ASPH: variants seen among roughly 807,000 people sequenced by gnomAD.
The protein encoded by ASPH is aspartate beta-hydroxylase, also known as aspartyl/asparaginyl beta-hydroxylase.
Under a neutral mutation model 118.4 loss-of-function variants are expected in ASPH, and 100 were observed. The ratio of observed to expected loss-of-function variants is 0.84; its 90% CI spans 0.72 to 1.00. The LOEUF (loss-of-function observed/expected upper bound fraction) is 1.00. Ranked by LOEUF, ASPH falls within the 50% of genes least tolerant of loss-of-function variation. The pLI is 0.00. For missense variants in ASPH, 920 were observed against 919.5 expected, an observed-to-expected ratio of 1.00 and a Z score of -0.01; for synonymous variants, 315 against 325.6, an observed-to-expected ratio of 0.97 and a Z score of 0.35.
chr8:61,668,197 T>C, intron 3 of ASPH: 3 of 1,558,740 alleles, frequency 1.9e-6, no homozygotes, highest in Non-Finnish European at 2.6e-6. Context: ...ACATTAAACT[T>C]GATTCACTCA....
intron 16 of ASPH, among the ~76,000 whole-genome samples, chr8:61,572,053 G>A (rs201699880): frequency 1.2e-4 from 18 of 152,110 alleles, no homozygotes; most frequent in Non-Finnish European, 2.1e-4. Context: ...AATTAAAATC[G>A]AATTAATAAA....
At position 61,649,401 on chromosome 8, in the gene ASPH, TTAAGTCTGAAACACCCA is replaced by T. The variant is rs558445482; in HGVS notation, c.490+1632_490+1648del. Reference sequence around the variant, plus strand: ...GGGTGTGGGAAGAATCATGAGTTCTTTAAGTCTGAAACACCCATAAGACATCCAAATGGAGATGCCAA... The same window carrying T: ...GGGTGTGGGAAGAATCATGAGTTCTTTAAGACATCCAAATGGAGATGCCAA... On this transcript the variant is annotated intron_variant, in intron 5 of 24. Transcript: ENST00000379454. Among the ~76,000 whole-genome samples, 88 of 152,162 alleles carry T rather than the reference TTAAGTCTGAAACACCCA, an allele frequency of 5.8e-4. 1 individual carries two copies. Among genetic ancestry groups the T allele is most frequent in the South Asian group, 2.5e-3 (12 of 4,808 alleles).
At chr8:61,646,077 T>C (rs1807797680) in intron 6 of ASPH, among the ~76,000 whole-genome samples, 1 of 152,090 alleles carries the variant, frequency 6.6e-6, no homozygotes, top group African/African-American at 2.4e-5. Context: ...TCCAGCTACT[T>C]GAGAGGCTGA....
chr8:61,695,974 C>G lies in ASPH; in HGVS notation c.104-11786G>C, dbSNP rs374091985. On this transcript the variant is annotated intron_variant, in intron 1 of 24. Transcript: ENST00000379454. ...TTAATTCACTAGAGGAAAAGACCTACAAATAGCTAAGAGAGAGAAATTCAG... is the reference window on the plus strand; with the variant it reads ...TTAATTCACTAGAGGAAAAGACCTAGAAATAGCTAAGAGAGAGAAATTCAG... 7.2e-5 allele frequency among the ~76,000 whole-genome samples: 11 copies of G among 152,312 alleles called. No individual in the cohort carries two copies. The East Asian group carries it at 1.7e-3, about 24-fold the overall frequency.
chr8:61,620,861 G>A (rs1472623323), intron 13 of ASPH, among the ~76,000 whole-genome samples: 2 of 152,208 alleles, frequency 1.3e-5, no homozygotes, highest in African/African-American at 4.8e-5. Context: ...TCATGAAGGG[G>A]AGTTTAGGGC....
intron 16 of ASPH, among the ~76,000 whole-genome samples, chr8:61,574,380 T>C (rs935592656): frequency 3.3e-5 from 5 of 152,192 alleles, no homozygotes; most frequent in Non-Finnish European, 7.3e-5. Flanking sequence ...ATCATTCTAC[T>C]ATAAAGACAC....
At position 61,646,794 on chromosome 8, in the gene ASPH, A is replaced by G. The variant is rs1417292982; in HGVS notation, c.575T>C (p.Val192Ala). 2.0e-5 allele frequency: 33 copies of G among 1,613,838 alleles called. No individual in the cohort carries two copies. The highest frequency in any genetic ancestry group is 2.8e-5 in the Non-Finnish European group (33 of 1,179,908). The change falls in exon 6 of 25, where the codon GTA becomes GCA. Residue 192 changes from valine (V) to alanine (A), a missense_variant. Transcript: ENST00000379454. ...EDDEFLMATDVDDRFETLEPE... is the reference protein window; with the variant it reads ...EDDEFLMATDADDRFETLEPE... The stretch of plus-strand genomic sequence containing the variant: ...TTCCAGGGTCTCAAATCTATCATCT[A>G]CATCAGTCGCCATAAGAAACTCATC...
intron 18 of ASPH, 52 bp downstream of exon 18, chr8:61,562,692 C>T: frequency 6.9e-7 from 1 of 1,452,066 alleles, no homozygotes; most frequent in Non-Finnish European, 9.1e-7. Flanking sequence ...ATGTAATTTG[C>T]AAATAGCCTT....
At chr8:61,663,241 T>C in intron 3 of ASPH, 1 of 985,392 alleles carries the variant, frequency 1.0e-6, no homozygotes, top group Non-Finnish European at 1.2e-6. Flanking sequence ...TGATGAAGTT[T>C]GAGTGGGACC....
intron 13 of ASPH, chr8:61,632,694 A>G (rs745863852): frequency 6.1e-6 from 3 of 488,092 alleles, no homozygotes; most frequent in South Asian, 3.0e-5. Context: ...ATTAATGTAC[A>G]TGGCAGGACA....
chr8:61,606,967 A>T (rs2133746655), intron 14 of ASPH: 1 of 282,962 alleles, frequency 3.5e-6, no homozygotes, highest in South Asian at 9.7e-5. Flanking sequence ...ATCCTCACCC[A>T]CTACTTGAGG....
intron 21 of ASPH, among the ~76,000 whole-genome samples, chr8:61,547,503 A>C (rs1824347752): frequency 1.3e-5 from 2 of 152,174 alleles, no homozygotes; most frequent in South Asian, 4.1e-4. Context: ...CTGGGCACAC[A>C]GTAGAGTTTT....
Position 61,661,538 on chromosome 8 carries a change from A to G in ASPH, c.323-7878T>C, listed in dbSNP as rs571527495. 11 of 161,720 alleles carry G rather than the reference A, an allele frequency of 6.8e-5. No individual in the cohort carries two copies. In the Admixed American group the frequency reaches 7.1e-4, roughly 10 times the overall value. 10.0% of individuals were successfully genotyped at this position (161,720 alleles called of 1,614,324 possible). On this transcript the variant is annotated intron_variant, in intron 3 of 24. Transcript: ENST00000379454. ...TATTACCAGTGGGCATTAACAGGAG[A>G]AGAAATAATTGAGGACACAGGAGAA...
At chr8:61,706,714 T>C (rs1482949406) in intron 1 of ASPH, among the ~76,000 whole-genome samples, 1 of 151,962 alleles carries the variant, frequency 6.6e-6, no homozygotes, top group Non-Finnish European at 1.5e-5. Flanking sequence ...AACACAATAG[T>C]GAAAAAGGCA....
chr8:61,550,442 T>TACACACACAC (rs34577657), intron 20 of ASPH, among the ~76,000 whole-genome samples: 38 of 147,688 alleles, frequency 2.6e-4, no homozygotes, highest in African/African-American at 7.9e-4. Context: ...CACATGTACA[T>TACACACACAC]ACACACACAC....
At chr8:61,610,457 G>A (rs972885480) in intron 14 of ASPH, among the ~76,000 whole-genome samples, 2 of 152,154 alleles carry the variant, frequency 1.3e-5, no homozygotes, top group African/African-American at 4.8e-5. Flanking sequence ...CTCTAAATCA[G>A]ACTTGTATGA....
intron 14 of ASPH, among the ~76,000 whole-genome samples, chr8:61,613,516 C>T (rs1382761069): frequency 6.6e-6 from 1 of 152,164 alleles, no homozygotes; most frequent in Non-Finnish European, 1.5e-5. Context: ...TCTTAATAAG[C>T]TTTTTGTCTA....
At chr8:61,698,582 G>T (rs1834483653) in intron 1 of ASPH, among the ~76,000 whole-genome samples, 1 of 152,160 alleles carries the variant, frequency 6.6e-6, no homozygotes, top group African/African-American at 2.4e-5. Context: ...GGTCACTAGT[G>T]ATCAAGTTAA....
intron 10 of ASPH, among the ~76,000 whole-genome samples, chr8:61,642,534 T>C (rs1181781952): frequency 6.6e-6 from 1 of 152,184 alleles, no homozygotes. Flanking sequence ...AGTCAAACTA[T>C]AGGTATATTT....
Sources: gnomAD v4.1 joint callset for allele counts (sites outside exome capture counted in the v4.1 genomes callset) on GRCh38, gnomAD v4.1.1 for gene constraint, MANE v1.5 for transcripts, NCBI Gene and HGNC (gene_info 2026-07-23, HGNC 2026-07-21) for gene names.